Variants in SPOCK1 observed in about 807,000 individuals in gnomAD.
SPOCK1 encodes testican-1.
Under a neutral mutation model 55.3 loss-of-function variants are expected in SPOCK1, and 23 were observed. That is an observed-to-expected ratio of 0.42 (90% confidence interval 0.30 to 0.59). SPOCK1 has a LOEUF of 0.59. SPOCK1 is among the 20% of genes least tolerant of loss of function. The pLI, the probability that SPOCK1 is intolerant of heterozygous loss-of-function variation, is 0.22. For missense variants in SPOCK1, 499 were observed against 552.5 expected (o/e 0.90, Z 0.97); for synonymous variants, 226 against 221.0 (o/e 1.02, Z -0.20).
chr5:137,249,286 T>C (rs1756462117), intron 3 of SPOCK1, among the ~76,000 whole-genome samples: 2 of 152,346 alleles, frequency 1.3e-5, no homozygotes, highest in South Asian at 4.1e-4. Flanking sequence ...AGATGCATGA[T>C]AGATTTAATT....
intron 3 of SPOCK1, among the ~76,000 whole-genome samples, chr5:137,142,005 C>T (rs553357840): frequency 1.4e-4 from 21 of 152,254 alleles, no homozygotes; most frequent in Non-Finnish European, 1.0e-4. Flanking sequence ...GAAGAGGCCT[C>T]GGGGAATTCT....
At chr5:136,989,408 C>T (rs545544883) in intron 7 of SPOCK1, among the ~76,000 whole-genome samples, 2 of 152,290 alleles carry the variant, frequency 1.3e-5, no homozygotes, top group South Asian at 4.1e-4. Flanking sequence ...CAACTTTTTT[C>T]AGAATCAAAG....
At chr5:137,129,109 T>C (rs998193721) in intron 4 of SPOCK1, among the ~76,000 whole-genome samples, 1 of 152,234 alleles carries the variant, frequency 6.6e-6, no homozygotes, top group African/African-American at 2.4e-5. Flanking sequence ...GAGCTGCGCA[T>C]GTCCTCATGG....
intron 3 of SPOCK1, among the ~76,000 whole-genome samples, chr5:137,249,856 AT>A (rs890116208): frequency 1.9e-4 from 28 of 150,476 alleles, no homozygotes; most frequent in East Asian, 5.8e-4. Context: ...TTTAGTACAG[AT>A]TTTTTTTTTA....
chr5:137,263,617 T>C (rs938078173), intron 3 of SPOCK1, among the ~76,000 whole-genome samples: 15 of 152,232 alleles, frequency 9.9e-5, no homozygotes, highest in African/African-American at 3.6e-4. Context: ...CTCTGCACAG[T>C]GTCTTTCTTT....
Position 137,170,652 on chromosome 5 carries a change from C to G in SPOCK1, c.233-29958G>C, listed in dbSNP as rs573940884. Among the ~76,000 whole-genome samples, 3 of 151,912 alleles carry G rather than the reference C, an allele frequency of 2.0e-5. No individual in the cohort carries two copies. The East Asian group carries it at 5.8e-4, about 30-fold the overall frequency. The stretch of plus-strand genomic sequence containing the variant: ...ACACTAACAGAAGGCCATGTGTAAA[C>G]ACTGTAAGAAGGCAAGTTGCCTGCA... On this transcript the variant is annotated intron_variant, in intron 3 of 10. Transcript: ENST00000394945.
At chr5:137,420,225 A>G (rs1216480448) in intron 2 of SPOCK1, among the ~76,000 whole-genome samples, 1 of 152,082 alleles carries the variant, frequency 6.6e-6, no homozygotes, top group Admixed American at 6.6e-5. Context: ...TTTTTGCATC[A>G]ATGTTCATCA....
At chr5:137,041,965 T>C (rs1365800223) in intron 6 of SPOCK1, among the ~76,000 whole-genome samples, 2 of 152,222 alleles carry the variant, frequency 1.3e-5, no homozygotes, top group African/African-American at 4.8e-5. Flanking sequence ...ACCCAACTGA[T>C]TTGAAAAATT....
intron 6 of SPOCK1, among the ~76,000 whole-genome samples, chr5:137,001,146 A>G (rs1751141369): frequency 6.6e-6 from 1 of 152,232 alleles, no homozygotes; most frequent in Non-Finnish European, 1.5e-5. Context: ...AATGAAGGTG[A>G]TAACAGAACT....
At chr5:137,160,573 A>C (rs1244869513) in intron 3 of SPOCK1, among the ~76,000 whole-genome samples, 1 of 60,278 alleles carries the variant, frequency 1.7e-5, no homozygotes, top group African/African-American at 6.2e-5. Flanking sequence ...ATTATATATT[A>C]TATAATATAT....
At chr5:137,455,048 G>C (rs1232158887) in intron 2 of SPOCK1, among the ~76,000 whole-genome samples, 1 of 152,164 alleles carries the variant, frequency 6.6e-6, no homozygotes, top group Non-Finnish European at 1.5e-5. Flanking sequence ...AGTTTCTCCA[G>C]ATACATGTTC....
intron 3 of SPOCK1, among the ~76,000 whole-genome samples, chr5:137,169,528 C>A (rs1754708828): frequency 6.6e-6 from 1 of 152,118 alleles, no homozygotes; most frequent in Non-Finnish European, 1.5e-5. Context: ...CCCAGGCACA[C>A]ACACCCACTG....
chr5:137,027,514 T>C (rs1751701071), intron 6 of SPOCK1, among the ~76,000 whole-genome samples: 1 of 152,202 alleles, frequency 6.6e-6, no homozygotes, highest in African/African-American at 2.4e-5. Flanking sequence ...TAATCATGTG[T>C]GGGCTATTGA....
intron 3 of SPOCK1, among the ~76,000 whole-genome samples, chr5:137,192,008 G>A (rs535997842): frequency 2.0e-5 from 3 of 152,142 alleles, no homozygotes; most frequent in Non-Finnish European, 2.9e-5. Context: ...GCTGAGGTAC[G>A]TGGATTGCCT....
At chr5:137,044,498 T>C (rs535557086) in intron 6 of SPOCK1, among the ~76,000 whole-genome samples, 1 of 152,238 alleles carries the variant, frequency 6.6e-6, no homozygotes, top group African/African-American at 2.4e-5. Context: ...GATGGAAGAA[T>C]TTGAATTTTA....
intron 3 of SPOCK1, among the ~76,000 whole-genome samples, chr5:137,265,692 T>C (rs1046142829): frequency 6.6e-6 from 1 of 152,198 alleles, no homozygotes; most frequent in Admixed American, 6.5e-5. Context: ...TGCTAAGATA[T>C]GTATAGTCCA....
intron 5 of SPOCK1, among the ~76,000 whole-genome samples, chr5:137,093,190 G>A (rs1753079608): frequency 6.6e-6 from 1 of 152,162 alleles, no homozygotes; most frequent in Admixed American, 6.5e-5. Flanking sequence ...AATCATAGCA[G>A]CAGTTATCAG....
intron 2 of SPOCK1, among the ~76,000 whole-genome samples, chr5:137,472,372 G>A (rs1186434788): frequency 6.6e-6 from 1 of 151,278 alleles, no homozygotes; most frequent in African/African-American, 2.4e-5. Context: ...AATGTATTAG[G>A]TGTACAAAAA....
chr5:137,224,044 C>CT (rs1439868970), intron 3 of SPOCK1, among the ~76,000 whole-genome samples: 2 of 152,210 alleles, frequency 1.3e-5, no homozygotes, highest in East Asian at 3.8e-4. Context: ...CTGCAACACT[C>CT]TAACATTATA....
Sources: gnomAD v4.1 joint callset for allele counts (sites outside exome capture counted in the v4.1 genomes callset) on GRCh38, gnomAD v4.1.1 for gene constraint, MANE v1.5 for transcripts, NCBI Gene and HGNC (gene_info 2026-07-23, HGNC 2026-07-21) for gene names.